Variants in EPG5 observed in about 807,000 individuals in gnomAD.
EPG5 encodes ectopic P-granules 5 autophagy tethering factor, also known as ectopic P granules protein 5 homolog.
A neutral mutation model predicts 302.7 loss-of-function variants in EPG5; 159 were observed. That is an observed-to-expected ratio of 0.53 (90% CI 0.46 to 0.60). EPG5 has a LOEUF of 0.60. Among genes scored for constraint, EPG5 ranks in the 20% least tolerant of loss-of-function variants. The probability of loss-of-function intolerance (pLI) is 0.00; values close to 1 mark genes in which losing one functional copy is unlikely to be tolerated. For synonymous variants in EPG5, 1,158 were observed against 1,136.8 expected (o/e 1.02, Z -0.37); for missense variants, 2,896 against 3,092.4 (o/e 0.94, Z 1.51).
chr18:45,959,128 CT>C (rs2051092086), intron 1 of EPG5, among the ~76,000 whole-genome samples: 1 of 152,356 alleles, frequency 6.6e-6, no homozygotes, highest in Admixed American at 6.5e-5. Flanking sequence ...TGCAGTTCCC[CT>C]GTCTCGATGA....
At chr18:45,902,094 G>A (rs2049632740) in intron 25 of EPG5, among the ~76,000 whole-genome samples, 1 of 152,184 alleles carries the variant, frequency 6.6e-6, no homozygotes, top group Admixed American at 6.5e-5. Flanking sequence ...AAGTCAACAA[G>A]TACTTAAGGG....
chr18:45,842,265 G>A, the EPG5 span: 3 of 1,521,112 alleles, frequency 2.0e-6, no homozygotes, highest in Non-Finnish European at 2.7e-6. Context: ...GGCACAGCCA[G>A]TCCTGGTTCT....
intron 20 of EPG5, 132 bp from the exon 21 acceptor site, chr18:45,913,960 T>A: frequency 9.0e-7 from 1 of 1,111,492 alleles, no homozygotes. Context: ...TTTCTAAAAT[T>A]AACACCTTTT....
In EPG5 at chr18:45,858,796, G is replaced by A; in HGVS notation, c.7010-14C>T. 1 of 1,487,732 alleles carries A rather than the reference G, an allele frequency of 6.7e-7. No homozygotes were observed. The highest frequency in any genetic ancestry group is 9.4e-7 in the Non-Finnish European group (1 of 1,065,470). 92.2% of individuals were successfully genotyped at this position (1,487,732 alleles called of 1,614,324 possible). Reference sequence around the variant, plus strand: ...GATTGAGAGGGCCTAAGAACATGAAGAAGAGACATCAAGATATAGGCAAGA... The same window carrying A: ...GATTGAGAGGGCCTAAGAACATGAAAAAGAGACATCAAGATATAGGCAAGA... On this transcript the variant is annotated splice_polypyrimidine_tract_variant and intron_variant, in intron 40 of 43. Transcript: ENST00000282041.
intron 1 of EPG5, among the ~76,000 whole-genome samples, chr18:45,966,282 A>G (rs1382239766): frequency 6.6e-6 from 1 of 151,354 alleles, no homozygotes; most frequent in African/African-American, 2.4e-5. Context: ...AGGCTGAGGC[A>G]GGAGAATGGC....
At chr18:45,872,179 T>G (rs2048884762) in intron 35 of EPG5, among the ~76,000 whole-genome samples, 1 of 152,266 alleles carries the variant, frequency 6.6e-6, no homozygotes, top group Non-Finnish European at 1.5e-5. Context: ...TAAGTCATTC[T>G]AAAATAAATC....
At chr18:45,884,920 A>G (rs1425341906) in intron 29 of EPG5, 109 bp from the exon 30 acceptor site, 1 of 697,220 alleles carries the variant, frequency 1.4e-6, no homozygotes, top group African/African-American at 1.9e-5. Flanking sequence ...ATTTTTTTCT[A>G]AACAAAAGTC....
At chr18:45,839,010 G>A in the EPG5 span, 2 of 1,591,572 alleles carry the variant, frequency 1.3e-6, no homozygotes, top group East Asian at 4.6e-5. Flanking sequence ...GGGCCTCGAC[G>A]GTCGCCCTCC....
Position 45,943,165 on chromosome 18 carries a change from T to C in EPG5, c.1939A>G (p.Ile647Val). Reference sequence around the variant, plus strand: ...GTAGAGCAACAGCAGTATTACCTGATCATATAACCAATTCGCTTCACAAAC... The same window carrying C: ...GTAGAGCAACAGCAGTATTACCTGACCATATAACCAATTCGCTTCACAAAC... ...RQFVKRIGYMIRMTLGYVSDH... is the reference protein window; with the variant it reads ...RQFVKRIGYMVRMTLGYVSDH... Residue 647 changes from isoleucine to valine, a missense_variant, in exon 9 of 44, where the codon ATC (isoleucine) becomes GTC (valine). Around this residue, in one of 5 missense-constraint regions of EPG5, gnomAD observed 1,390 missense variants for 1,430.0 expected, o/e 0.97. Transcript: ENST00000282041. 1 of 1,614,082 alleles carries C rather than the reference T, an allele frequency of 6.2e-7. No individual in the cohort carries two copies. The highest frequency in any genetic ancestry group is 8.5e-7 in the Non-Finnish European group (1 of 1,179,984).
At chr18:45,884,927 A>G in intron 29 of EPG5, 116 bp from the exon 30 acceptor site, 1 of 632,638 alleles carries the variant, frequency 1.6e-6, no homozygotes, top group Non-Finnish European at 2.5e-6. Context: ...TCTAAACAAA[A>G]GTCTGAAACA....
intron 35 of EPG5, among the ~76,000 whole-genome samples, chr18:45,872,703 C>A (rs1227062836): frequency 6.6e-6 from 1 of 151,758 alleles, no homozygotes; most frequent in Non-Finnish European, 1.5e-5. Flanking sequence ...GACTCCTTGT[C>A]CAAAAAAAAA....
chr18:45,918,073 T>C (rs1235821781), intron 16 of EPG5, among the ~76,000 whole-genome samples: 1 of 152,118 alleles, frequency 6.6e-6, no homozygotes, highest in Non-Finnish European at 1.5e-5. Context: ...TTTCCTAGAG[T>C]AAGGTCAAAA....
intron 31 of EPG5, 111 bp downstream of exon 31, chr18:45,882,163 C>T (rs2049111570): frequency 1.0e-6 from 1 of 973,428 alleles, no homozygotes; most frequent in African/African-American, 1.6e-5. Context: ...TGATTCTAAA[C>T]TCCTATACTG....
At chr18:45,825,635 C>G in the EPG5 span, 1 of 1,421,170 alleles carries the variant, frequency 7.0e-7, no homozygotes, top group East Asian at 2.4e-5. Context: ...TGCCCACCCC[C>G]GCCCGCCTTC....
rs899376675 is a variant in EPG5 at position 45,950,728 on chromosome 18, G to A, written c.1389+374C>T. Among the ~76,000 whole-genome samples the A allele has an allele frequency of 7.2e-5, 11 of 152,296 alleles. No individual in the cohort carries two copies. In the East Asian group the frequency reaches 1.9e-3, roughly 27 times the overall value. On this transcript the variant is annotated intron_variant, in intron 4 of 43. Coordinates refer to ENST00000282041, the MANE Select transcript of EPG5 (RefSeq NM_020964.3). ...TGTGGAATTTTCCACTTGTGGCATC[G>A]TATCAGCACTCAAAAAGTTTGGAAT...
intron 23 of EPG5, among the ~76,000 whole-genome samples, chr18:45,909,785 A>C (rs1339679355): frequency 6.6e-6 from 1 of 152,120 alleles, no homozygotes; most frequent in Non-Finnish European, 1.5e-5. Context: ...TGCCCTGGTC[A>C]TTTGTTTCTT....
chr18:45,838,536 G>A, the EPG5 span: 1 of 786,746 alleles, frequency 1.3e-6, no homozygotes, highest in Non-Finnish European at 1.9e-6. Context: ...TACACATGGA[G>A]AAGCAGAAGC....
chr18:45,951,082 G>T lies in EPG5; in HGVS notation c.1389+20C>A. 6.5e-7 allele frequency: 1 copy of T among 1,531,572 alleles called. No individual in the cohort carries two copies. Among genetic ancestry groups the T allele is most frequent in the Non-Finnish European group, 8.8e-7 (1 of 1,139,600 alleles). The allele number at this position is 1,531,572 out of a possible 1,614,324, so 94.9% of individuals were successfully genotyped here. ...AAAGAAATAAAACAAAGACTACTGT[G>T]TCTATCTCTGTCCCCTTACCAATTT... On this transcript the variant is annotated intron_variant, in intron 4 of 43. Coordinates refer to ENST00000282041, the MANE Select transcript of EPG5 (RefSeq NM_020964.3).
chr18:45,908,534 T>C (rs181538318), intron 23 of EPG5, among the ~76,000 whole-genome samples: 216 of 152,318 alleles, frequency 1.4e-3, no homozygotes, highest in African/African-American at 5.0e-3. Context: ...TTATGCATTG[T>C]AGGAATTTTC....
Sources: allele counts gnomAD v4.1 joint callset (sites outside exome capture counted in the v4.1 genomes callset), GRCh38; gene constraint gnomAD v4.1.1; regional missense constraint gnomAD v4.1.1; transcripts MANE v1.5; gene names NCBI Gene and HGNC (gene_info 2026-07-23, HGNC 2026-07-21).